The following THG1L variants were observed in gnomAD, a reference collection of about 807,000 sequenced individuals.
THG1L encodes the protein probable tRNA(His) guanylyltransferase.
Under a neutral mutation model 35.2 loss-of-function variants are expected in THG1L, and 27 were observed. That is an observed-to-expected ratio of 0.77 (90% CI 0.57 to 1.06). THG1L has a LOEUF of 1.06. THG1L is among the 50% of genes least tolerant of loss of function. The pLI is 0.00. For synonymous variants in THG1L, 135 were observed against 132.4 expected (o/e 1.02, Z -0.14); for missense variants, 377 against 371.8 (o/e 1.01, Z -0.12).
At position 157,734,693 on chromosome 5, in the gene THG1L, G is replaced by A. The variant is rs772060826; in HGVS notation, c.486G>A (p.Val162=). ...CAGGCTTTGACGGAAGAGTCGTGGT[G>A]TATCCCAGCAACCAGACTTTAAAGG... ...YPPGFDGRVV[V]YPSNQTLKDY... is the part of the protein sequence containing the mutation. Residue 162 remains valine (V), a synonymous_variant, in exon 3 of 6, where the codon GTG becomes GTA. Coordinates refer to ENST00000231198, the MANE Select transcript of THG1L (RefSeq NM_017872.5). 26 of 1,613,980 alleles carry A rather than the reference G, an allele frequency of 1.6e-5. No individual in the cohort carries two copies. In the South Asian group the frequency reaches 1.6e-4, roughly 10 times the overall value.
Position 157,737,974 on chromosome 5 carries a change from A to T in THG1L, c.715A>T (p.Thr239Ser). Residue 239 changes from threonine to serine, a missense_variant, in exon 5 of 6, where the codon ACT (threonine) becomes TCT (serine). By Grantham distance (58) the Thr-to-Ser change is moderately conservative (BLOSUM62 1). Transcript: ENST00000231198. ...NNELPMYRKG[T>S]VLIWQKVDEV... ...TGAGCTGCCGATGTATAGGAAAGGG[A>T]CTGTGTTGATATGGCAGAAGGTAAT... 1 of 1,612,294 alleles carries T rather than the reference A, an allele frequency of 6.2e-7. No individual in the cohort carries two copies. The highest frequency in any genetic ancestry group is 8.5e-7 in the Non-Finnish European group (1 of 1,179,120).
In THG1L at chr5:157,739,760, T is replaced by G; in HGVS notation, c.*278T>G. The G allele has an allele frequency of 3.7e-6, 1 of 270,076 alleles. No homozygotes were observed. The highest frequency in any genetic ancestry group is 6.9e-6 in the Non-Finnish European group (1 of 145,122). The allele number at this position is 270,076 out of a possible 1,614,324, so 16.7% of individuals were successfully genotyped here. ...TACTATTTTTATAAAGCAAGAACTA[T>G]TCCATGCCTTGGAGAATGAATCATT... On this transcript the variant is annotated 3_prime_UTR_variant, in exon 6 of 6. Transcript: ENST00000231198.
In THG1L at chr5:157,731,602, A is replaced by AGTGCGGCTGGAC; in HGVS notation, c.164_175dup (p.Val55_Asp58dup). 1 of 1,601,002 alleles carries AGTGCGGCTGGAC rather than the reference A, an allele frequency of 6.2e-7. No homozygotes were observed. Among genetic ancestry groups the AGTGCGGCTGGAC allele is most frequent in the East Asian group, 2.3e-5 (1 of 44,082 alleles). ...CCTGCCTGGCACACTGCTGGGTGGT[A>AGTGCGGCTGGAC]GTGCGGCTGGACGGCCGGAATTTCC... On this transcript the variant is annotated inframe_insertion, in exon 1 of 6. Coordinates refer to ENST00000231198, the MANE Select transcript of THG1L (RefSeq NM_017872.5).
Position 157,735,942 on chromosome 5 carries a change from G to T in THG1L, c.627+8G>T. ...GCCCAAGGGAGATTACAGGTATAAA[G>T]ATCTTACTACATTAATACTTAACTG... is the stretch of plus-strand genomic sequence containing the variant. On this transcript the variant is annotated splice_region_variant and intron_variant, in intron 4 of 5. Coordinates refer to ENST00000231198, the MANE Select transcript of THG1L (RefSeq NM_017872.5). 1 of 1,567,866 alleles carries T rather than the reference G, an allele frequency of 6.4e-7. No individual in the cohort carries two copies. Among genetic ancestry groups the T allele is most frequent in the South Asian group, 1.2e-5 (1 of 86,402 alleles).
At position 157,739,658 on chromosome 5, in the gene THG1L, T is replaced by C; in HGVS notation, c.*176T>C. Reference sequence around the variant, plus strand: ...GATGGATGGGGGTGGTGTATCTTACTCTGTTTAAGCAGAACACCTTGTTTG... The same window carrying C: ...GATGGATGGGGGTGGTGTATCTTACCCTGTTTAAGCAGAACACCTTGTTTG... On this transcript the variant is annotated 3_prime_UTR_variant, in exon 6 of 6. Coordinates refer to ENST00000231198, the MANE Select transcript of THG1L (RefSeq NM_017872.5). 1 of 647,930 alleles carries C rather than the reference T, an allele frequency of 1.5e-6. No homozygotes were observed. Among genetic ancestry groups the C allele is most frequent in the Non-Finnish European group, 2.4e-6 (1 of 412,376 alleles). 40.1% of individuals were successfully genotyped at this position (647,930 alleles called of 1,614,324 possible).
intron 1 of THG1L, among the ~76,000 whole-genome samples, chr5:157,732,257 G>C (rs1360786187): frequency 7.2e-6 from 1 of 139,742 alleles, no homozygotes; most frequent in Admixed American, 7.3e-5. Flanking sequence ...GAGAGAGAGA[G>C]AGAAAGAAGG....
Position 157,741,246 on chromosome 5 carries a change from C to G in THG1L, c.*1764C>G, listed in dbSNP as rs1295183504. On this transcript the variant is annotated 3_prime_UTR_variant, in exon 6 of 6. Transcript: ENST00000231198. Reference sequence around the variant, plus strand: ...GACAGCCCGTGTCCCAGTCCCTCGTCTTGCACTGCAGAATTTACATCTAAG... The same window carrying G: ...GACAGCCCGTGTCCCAGTCCCTCGTGTTGCACTGCAGAATTTACATCTAAG... 7 of 152,178 alleles carry G rather than the reference C, an allele frequency of 4.6e-5. No homozygotes were observed. The highest frequency in any genetic ancestry group is 1.7e-4 in the African/African-American group (7 of 41,414). 9.4% of individuals were successfully genotyped at this position (152,178 alleles called of 1,614,324 possible).
Position 157,731,600 on chromosome 5 carries a change from G to A in THG1L, c.160G>A (p.Val54Ile). The change falls in exon 1 of 6, where the codon GTA (valine) becomes ATA (isoleucine). Residue 54 changes from valine to isoleucine, a missense_variant. Transcript: ENST00000231198. Reference protein sequence around the residue: ...DDTCLAHCWVVVRLDGRNFHR... With the variant: ...DDTCLAHCWVIVRLDGRNFHR... ...CACCTGCCTGGCACACTGCTGGGTG[G>A]TAGTGCGGCTGGACGGCCGGAATTT... 1 of 1,601,786 alleles carries A rather than the reference G, an allele frequency of 6.2e-7. No homozygotes were observed. The highest frequency in any genetic ancestry group is 8.5e-7 in the Non-Finnish European group (1 of 1,173,494).
At chr5:157,735,471 A>T (rs1436000180) in intron 3 of THG1L, among the ~76,000 whole-genome samples, 1 of 152,154 alleles carries the variant, frequency 6.6e-6, no homozygotes, top group African/African-American at 2.4e-5. Flanking sequence ...CCCTTGCCTT[A>T]TGTGACTGTG....
In THG1L at chr5:157,731,441, ATG is replaced by A. The variant is rs776719891; in HGVS notation, c.4_5del (p.Trp2?). On this transcript the variant is annotated frameshift_variant and start_lost, in exon 1 of 6. Transcript: ENST00000231198. LOFTEE classifies it high-confidence loss of function. MWGACKVKVHD... is the reference protein window; with the variant it reads XWGACKVKVHD... Reference sequence around the variant, plus strand: ...TGGCCCTTTCCTTTCCGCGTGTAGAATGTGGGGCGCCTGTAAAGTTAAGGTTC... The same window carrying A: ...TGGCCCTTTCCTTTCCGCGTGTAGAATGGGGCGCCTGTAAAGTTAAGGTTC... 1.4e-5 allele frequency: 23 copies of A among 1,586,226 alleles called. No individual in the cohort carries two copies. The highest frequency in any genetic ancestry group is 2.0e-5 in the Non-Finnish European group (23 of 1,164,644).
chr5:157,734,526 C>T (rs550152734), intron 2 of THG1L, 50 bp from the exon 3 acceptor site: 23 of 1,603,076 alleles, frequency 1.4e-5, no homozygotes, highest in Admixed American at 6.7e-5. Context: ...GAACTAATTC[C>T]GTGTATTTTT....
rs757117660 is a variant in THG1L at position 157,735,921 on chromosome 5, A to G, written c.614A>G (p.Gln205Arg). ...TCTGGACTAACACCAGTACAAGCCC[A>G]AGGGAGATTACAGGTATAAAGATCT... ...QQSGLTPVQAQGRLQGTLAAD... is the reference protein window; with the variant it reads ...QQSGLTPVQARGRLQGTLAAD... The change falls in exon 4 of 6, where the codon CAA becomes CGA. Residue 205 changes from glutamine (Q) to arginine (R), a missense_variant. Coordinates refer to ENST00000231198, the MANE Select transcript of THG1L (RefSeq NM_017872.5). 1.2e-6 allele frequency: 2 copies of G among 1,600,728 alleles called. No individual in the cohort carries two copies. Among genetic ancestry groups the G allele is most frequent in the Admixed American group, 3.5e-5 (2 of 57,388 alleles).
In THG1L at chr5:157,739,302, A is replaced by G. The variant is rs1052866751; in HGVS notation, c.736-19A>G. 4 of 1,610,064 alleles carry G rather than the reference A, an allele frequency of 2.5e-6. No individual in the cohort carries two copies. Among genetic ancestry groups the G allele is most frequent in the Non-Finnish European group, 2.5e-6 (3 of 1,178,048 alleles). On this transcript the variant is annotated intron_variant, in intron 5 of 5. Coordinates refer to ENST00000231198, the MANE Select transcript of THG1L (RefSeq NM_017872.5). ...CCACTCCTGACTTAACAATGTCACT[A>G]CTTTATTTTTACCTGTAGGTGGATG...
At chr5:157,737,544 A>G (rs938639183) in intron 4 of THG1L, among the ~76,000 whole-genome samples, 3 of 152,182 alleles carry the variant, frequency 2.0e-5, no homozygotes, top group Non-Finnish European at 4.4e-5. Flanking sequence ...TCAGATTTCA[A>G]TTCTTCGTAG....
At chr5:157,739,294 A>G (rs190829758) in intron 5 of THG1L, 27 bp from the exon 6 acceptor site, 1,389 of 1,606,072 alleles carry the variant, frequency 8.6e-4, no homozygotes, top group Non-Finnish European at 1.1e-3. Flanking sequence ...TGACTTAACA[A>G]TGTCACTACT....
Position 157,739,618 on chromosome 5 carries a change from A to C in THG1L, c.*136A>C. 1 of 1,055,956 alleles carries C rather than the reference A, an allele frequency of 9.5e-7. No homozygotes were observed. The highest frequency in any genetic ancestry group is 1.3e-6 in the Non-Finnish European group (1 of 747,868). 65.4% of individuals were successfully genotyped at this position (1,055,956 alleles called of 1,614,324 possible). Reference sequence around the variant, plus strand: ...ATGACACAACTCAAGTTGGGAGGGGAACAGGGAAGGAAGGGATGGATGGGG... The same window carrying C: ...ATGACACAACTCAAGTTGGGAGGGGCACAGGGAAGGAAGGGATGGATGGGG... On this transcript the variant is annotated 3_prime_UTR_variant, in exon 6 of 6. Transcript: ENST00000231198.
chr5:157,732,885 A>G lies in THG1L; in HGVS notation c.209A>G (p.Asn70Ser), dbSNP rs963326596. ...RNFHRFAEKH[N>S]FAKPNDSRAL... Reference sequence around the variant, plus strand: ...CTGTGAAGGTTTGCTGAGAAGCACAACTTTGCAAAACCCAATGACAGCCGT... The same window carrying G: ...CTGTGAAGGTTTGCTGAGAAGCACAGCTTTGCAAAACCCAATGACAGCCGT... The change falls in exon 2 of 6, where the codon AAC becomes AGC. Residue 70 changes from asparagine to serine, a missense_variant. Physicochemically the swap from Asn to Ser is conservative, Grantham distance 46 (BLOSUM62 1). Transcript: ENST00000231198. 1.9e-6 allele frequency: 3 copies of G among 1,614,054 alleles called. No individual in the cohort carries two copies. The African/African-American group carries it at 4.0e-5, about 22-fold the overall frequency.
rs773647989 is a variant in THG1L, at chr5:157,734,726, C to T, written c.519C>T (p.Leu173=). The part of the protein sequence containing the change: ...YPSNQTLKDY[L]SWRQADCHIN... The stretch of plus-strand genomic sequence containing the variant: ...GCAACCAGACTTTAAAGGACTACCT[C>T]AGCTGGCGACAAGCAGATTGTGAGT... Residue 173 remains leucine (L), a synonymous_variant, in exon 3 of 6, where the codon CTC becomes CTT. Transcript: ENST00000231198. 2.5e-6 allele frequency: 4 copies of T among 1,614,142 alleles called. No individual in the cohort carries two copies. In the South Asian group the frequency reaches 3.3e-5, roughly 13 times the overall value.
rs1411609325 is a variant in THG1L at position 157,740,726 on chromosome 5, A to G, written c.*1244A>G. The G allele has an allele frequency of 6.6e-6, 1 of 151,604 alleles. No homozygotes were observed. The highest frequency in any genetic ancestry group is 1.5e-5 in the Non-Finnish European group (1 of 67,958). 9.4% of individuals were successfully genotyped at this position (151,604 alleles called of 1,614,324 possible). On this transcript the variant is annotated 3_prime_UTR_variant, in exon 6 of 6. Coordinates refer to ENST00000231198, the MANE Select transcript of THG1L (RefSeq NM_017872.5). ...AGACCAGCGTGACCAACGTGGAGAA[A>G]CCCCCGTCTCTACTAAAAATACAAA...
Sources: allele counts gnomAD v4.1 joint callset (sites outside exome capture counted in the v4.1 genomes callset), GRCh38; gene constraint gnomAD v4.1.1; transcripts MANE v1.5; gene names NCBI Gene and HGNC (gene_info 2026-07-23, HGNC 2026-07-21).